Variants in TMEM185A observed in about 807,000 individuals in gnomAD.
The protein encoded by TMEM185A is family with sequence similarity 11, member A.
TMEM185A carries 9 observed loss-of-function variants against 25.0 expected under a neutral mutation model. The ratio of observed to expected loss-of-function variants is 0.36; its 90% CI spans 0.22 to 0.63. TMEM185A has a LOEUF of 0.63. Among genes scored for constraint, TMEM185A ranks in the 20% least tolerant of loss-of-function variants. The pLI, the probability that TMEM185A is intolerant of heterozygous loss-of-function variation, is 0.68. For missense variants in TMEM185A, 103 were observed against 237.4 expected (o/e 0.43, Z 3.72); for synonymous variants, 45 against 93.5 (o/e 0.48, Z 2.99).
At chrX:149,607,974 G>C (rs1257108120) in intron 3 of TMEM185A, among the ~76,000 whole-genome samples, 1 of 112,044 alleles carries the variant, frequency 8.9e-6, no homozygotes, top group African/African-American at 3.2e-5. Context: ...TTCTGTGCCA[G>C]GACTGCAGTG....
At chrX:149,625,708 T>A (rs1380072725) in intron 1 of TMEM185A, among the ~76,000 whole-genome samples, 4 of 112,304 alleles carry the variant, frequency 3.6e-5, no homozygotes, top group African/African-American at 9.7e-5. Flanking sequence ...TGATAGATGA[T>A]CATAAAGCAA....
At chrX:149,624,522 T>G (rs782684947) in intron 1 of TMEM185A, among the ~76,000 whole-genome samples, 2 of 111,711 alleles carry the variant, frequency 1.8e-5, no homozygotes, top group Admixed American at 1.9e-4. Flanking sequence ...CTGGAGCACA[T>G]ACACGCGCAT....
chrX:149,626,030 C>T (rs4843989), intron 1 of TMEM185A, among the ~76,000 whole-genome samples: 7,880 of 111,839 alleles, frequency 0.07, 218 homozygotes, highest in Middle Eastern at 0.12. Context: ...GACGTGGATT[C>T]GAATGTTGAC....
intron 1 of TMEM185A, among the ~76,000 whole-genome samples, chrX:149,621,459 A>G (rs2090139545): frequency 8.9e-6 from 1 of 112,527 alleles, no homozygotes; most frequent in African/African-American, 3.2e-5. Context: ...CCCACAAAAT[A>G]TAATTCATGA....
intron 4 of TMEM185A, chrX:149,602,124 T>G (rs2090020886): frequency 9.8e-6 from 1 of 101,744 alleles, no homozygotes; most frequent in African/African-American, 3.6e-5. Context: ...GTGTTTCTTT[T>G]TGCAGTTTTG....
intron 2 of TMEM185A, among the ~76,000 whole-genome samples, chrX:149,609,270 T>C (rs782235354): frequency 3.6e-5 from 4 of 112,659 alleles, no homozygotes; most frequent in Admixed American, 9.4e-5. Flanking sequence ...CAAGAAACCA[T>C]GTAAACCACC....
chrX:149,602,492 C>A (rs782597346), intron 4 of TMEM185A, among the ~76,000 whole-genome samples: 1 of 112,584 alleles, frequency 8.9e-6, no homozygotes, highest in East Asian at 2.8e-4. Flanking sequence ...GTTCCCCATT[C>A]TGTGATGAGA....
chrX:149,603,688 T>A (rs1569560926), intron 4 of TMEM185A: 1 of 197,895 alleles, frequency 5.1e-6, no homozygotes, highest in Non-Finnish European at 9.2e-6. Flanking sequence ...ATATTTTGTA[T>A]CAATTAAACT....
At chrX:149,610,428 CAAAAAAAAAAAAAAAAAA>C (rs374846385) in intron 2 of TMEM185A, among the ~76,000 whole-genome samples, 1 of 26,599 alleles carries the variant, frequency 3.8e-5, no homozygotes, top group Non-Finnish European at 6.3e-5. Context: ...AACTCTGTCT[CAAAAAAAAAAAAAAAAAA>C]AAAAAAAAAA....
chrX:149,627,178 CCCAGG>C (rs1205979940), intron 1 of TMEM185A, among the ~76,000 whole-genome samples: 4 of 112,581 alleles, frequency 3.6e-5, no homozygotes, highest in Admixed American at 9.3e-5. Flanking sequence ...TTGGACAATA[CCCAGG>C]CTTTCTTGGG....
intron 4 of TMEM185A, chrX:149,601,348 T>G (rs1181423922): frequency 1.0e-5 from 1 of 97,576 alleles, no homozygotes; most frequent in Non-Finnish European, 2.0e-5. Context: ...CACAAGTAGA[T>G]TCACACAGCC....
intron 1 of TMEM185A, among the ~76,000 whole-genome samples, chrX:149,616,398 C>T (rs2090110548): frequency 8.9e-6 from 1 of 111,952 alleles, no homozygotes; most frequent in African/African-American, 3.2e-5. Flanking sequence ...GCAGGACCTA[C>T]TCCTTCTGGA....
At chrX:149,612,670 G>C (rs1357832448) in intron 1 of TMEM185A, among the ~76,000 whole-genome samples, 1 of 112,149 alleles carries the variant, frequency 8.9e-6, no homozygotes, top group East Asian at 2.8e-4. Context: ...GGCTTGGTTG[G>C]TTTCTCTACT....
chrX:149,611,602 G>A (rs2090084195), intron 1 of TMEM185A, 139 bp from the exon 2 acceptor site: 2 of 539,418 alleles, frequency 3.7e-6, no homozygotes, highest in Admixed American at 4.0e-5. Context: ...AAGGTCTATG[G>A]GGCAGACATA....
chrX:149,609,232 C>T (rs1457753647), intron 2 of TMEM185A, among the ~76,000 whole-genome samples: 1 of 112,358 alleles, frequency 8.9e-6, no homozygotes, highest in African/African-American at 3.2e-5. Context: ...CAGGCAAATA[C>T]CCCTTAAGTC....
intron 3 of TMEM185A, among the ~76,000 whole-genome samples, chrX:149,607,174 T>C (rs73640680): frequency 0.02 from 2,178 of 111,650 alleles, 48 homozygotes; most frequent in African/African-American, 0.067. Flanking sequence ...TCCCTCTGTC[T>C]ACATACCTTC....
chrX:149,626,068 A>G (rs1009319912), intron 1 of TMEM185A, among the ~76,000 whole-genome samples: 1 of 112,517 alleles, frequency 8.9e-6, no homozygotes, highest in Admixed American at 9.4e-5. Flanking sequence ...ATGCAACTTC[A>G]GGGAAGTCAC....
At chrX:149,610,201 C>T (rs1234533438) in intron 2 of TMEM185A, among the ~76,000 whole-genome samples, 6 of 109,988 alleles carry the variant, frequency 5.5e-5, no homozygotes, top group Non-Finnish European at 7.6e-5. Context: ...GAGGCCAAGG[C>T]GGGTGGATCA....
At chrX:149,631,349 G>A (rs2090191146) in intron 1 of TMEM185A, among the ~76,000 whole-genome samples, 194 bp downstream of exon 1, 1 of 111,291 alleles carries the variant, frequency 9.0e-6, no homozygotes, top group African/African-American at 3.3e-5. Flanking sequence ...CACCGGGCAC[G>A]GGAGGAGGAA....
Sources: gnomAD v4.1 joint callset for allele counts (sites outside exome capture counted in the v4.1 genomes callset) on GRCh38, gnomAD v4.1.1 for gene constraint, MANE v1.5 for transcripts, NCBI Gene and HGNC (gene_info 2026-07-23, HGNC 2026-07-21) for gene names.